ABCA7: variants seen among roughly 807,000 people sequenced by gnomAD.
ABCA7 encodes the protein phospholipid-transporting ATPase ABCA7.
A neutral mutation model predicts 227.6 loss-of-function variants in ABCA7; 261 were observed. The ratio of observed to expected loss-of-function variants is 1.15; its 90% confidence interval spans 1.04 to 1.27. The LOEUF is 1.27. Ranked by LOEUF, ABCA7 falls within the 50% of genes most tolerant of loss-of-function variation. The probability of loss-of-function intolerance (pLI) is 0.00; values close to 1 mark genes in which losing one functional copy is unlikely to be tolerated. For synonymous variants in ABCA7, 1,488 were observed against 1,279.7 expected, an observed-to-expected ratio of 1.16 and a Z score of -3.47; for missense variants, 3,331 against 2,924.5, an observed-to-expected ratio of 1.14 and a Z score of -3.21.
chr19:1,055,028 GCTGGGTGCC>G (rs1651690129), intron 29 of ABCA7, 60 bp from the exon 30 acceptor site: 2 of 1,539,962 alleles, frequency 1.3e-6, no homozygotes, highest in Non-Finnish European at 1.8e-6. Flanking sequence ...ACCCCCAGAA[GCTGGGTGCC>G]CACAGACCTT....
At position 1,056,181 on chromosome 19, in the gene ABCA7, G is replaced by C. The variant is rs149293300; in HGVS notation, c.4354G>C (p.Asp1452His). 1.9e-6 allele frequency: 3 copies of C among 1,607,230 alleles called. No individual in the cohort carries two copies. Among genetic ancestry groups the C allele is most frequent in the Non-Finnish European group, 2.5e-6 (3 of 1,178,600 alleles). ...GAGTCCCCTGCCTGGCGGGGCCCTC[G>C]ACCGTGTCCTGAAAAACCTCACAGC... is the stretch of plus-strand genomic sequence containing the variant. ...LLSPLPGGAL[D>H]RVLKNLTAWA... The change falls in exon 32 of 47, where the codon GAC (aspartate) becomes CAC (histidine). Residue 1452 changes from aspartate (D) to histidine (H), a missense_variant. Transcript: ENST00000263094. This position sits in a 1 kb window ranked among gnomAD's most constrained non-coding sequence, Gnocchi z 4.3.
Position 1,051,988 on chromosome 19 carries a change from G to T in ABCA7, c.3009G>T (p.Leu1003=), listed in dbSNP as rs769933449. ...CCCACCACCTGGATGAGGCAGAGCT[G>T]CTGGGAGACCGTGTGGCCGTGGTGG... ...LSTHHLDEAE[L]LGDRVAVVAG... The change falls in exon 22 of 47, where the codon CTG becomes CTT. Residue 1003 remains leucine, a synonymous_variant. Transcript: ENST00000263094. 1.9e-6 allele frequency: 3 copies of T among 1,612,224 alleles called. No individual in the cohort carries two copies. The highest frequency in any genetic ancestry group is 4.5e-5 in the East Asian group (2 of 44,870).
In ABCA7 at chr19:1,046,979, C is replaced by G; in HGVS notation, c.1800C>G (p.Leu600=). 1 of 1,582,998 alleles carries G rather than the reference C, an allele frequency of 6.3e-7. No homozygotes were observed. Among genetic ancestry groups the G allele is most frequent in the Non-Finnish European group, 8.6e-7 (1 of 1,168,174 alleles). Residue 600 remains leucine, a synonymous_variant, in exon 14 of 47, where the codon CTC becomes CTG. Transcript: ENST00000263094. ...GGCTAGGCTGGTTCCTCAGCTGCCTCGGGCCCTTCCTGCTCAGCGCCGCAC... is the reference window on the plus strand; with the variant it reads ...GGCTAGGCTGGTTCCTCAGCTGCCTGGGGCCCTTCCTGCTCAGCGCCGCAC... ...VLWLGWFLSC[L]GPFLLSAALL... is the part of the protein sequence containing the mutation.
chr19:1,056,141 G>A lies in ABCA7; in HGVS notation c.4314G>A (p.Glu1438=). 6.2e-7 allele frequency: 1 copy of A among 1,609,882 alleles called. No individual in the cohort carries two copies. The highest frequency in any genetic ancestry group is 8.5e-7 in the Non-Finnish European group (1 of 1,179,588). ...AAGAGTTGGGCCGCTCAGTGGAGGA[G>A]TTGTGGGCGCTGCTGAGTCCCCTGC... is the stretch of plus-strand genomic sequence containing the variant. ...SGQELGRSVE[E]LWALLSPLPG... Residue 1438 remains glutamate (E), a synonymous_variant, in exon 32 of 47, where the codon GAG becomes GAA. Coordinates refer to ENST00000263094, the MANE Select transcript of ABCA7 (RefSeq NM_019112.4). This position sits in a 1 kb window ranked among gnomAD's most constrained non-coding sequence, Gnocchi z 4.3.
chr19:1,045,888 G>T (rs1339000547), intron 12 of ABCA7, among the ~76,000 whole-genome samples: 7 of 152,146 alleles, frequency 4.6e-5, no homozygotes, highest in African/African-American at 1.2e-4. Flanking sequence ...GCGCCTGTAG[G>T]CCCAGCTACC....
In ABCA7 at chr19:1,048,922, A is replaced by G. The variant is rs139456178; in HGVS notation, c.2297A>G (p.Asn766Ser). The G allele has an allele frequency of 1.1e-5, 18 of 1,608,868 alleles. 1 individual carries two copies. In the African/African-American group the frequency reaches 1.3e-4, roughly 12 times the overall value. ...PGQYGIPEPW[N>S]FPFRRSYWCG... ...CAGTACGGGATCCCTGAACCATGGA[A>G]TTTTCCTTTTCGGAGGAGCTACTGG... Residue 766 changes from asparagine (N) to serine (S), a missense_variant, in exon 17 of 47, where the codon AAT becomes AGT. Physicochemically the swap from Asn to Ser is conservative, Grantham distance 46. Transcript: ENST00000263094.
rs978850571 is a variant in ABCA7 at position 1,061,390 on chromosome 19, C to CAAAAAAAAAAAA, written c.5464-381_5464-370dup. Among the ~76,000 whole-genome samples the CAAAAAAAAAAAA allele has an allele frequency of 3.3e-3, 122 of 36,894 alleles. 12 individuals are homozygous for CAAAAAAAAAAAA. Among genetic ancestry groups the CAAAAAAAAAAAA allele is most frequent in the African/African-American group, 0.017 (118 of 7,058 alleles). The allele number at this position is 36,894 out of a possible 152,430, so 24.2% of individuals were successfully genotyped here. ...GGGGTGACACAGCAAGGCTCCGTCT[C>CAAAAAAAAAAAA]AAAAAAAAAAAAAAAAAAAAAAGAG... On this transcript the variant is annotated intron_variant, in intron 40 of 46. Coordinates refer to ENST00000263094, the MANE Select transcript of ABCA7 (RefSeq NM_019112.4).
intron 12 of ABCA7, 56 bp downstream of exon 12, chr19:1,045,287 T>G: frequency 2.1e-6 from 3 of 1,456,644 alleles, no homozygotes; most frequent in East Asian, 2.4e-5. Context: ...AAGAGCGTGG[T>G]GGGTGGGGCC....
In ABCA7 at chr19:1,054,308, T is replaced by C; in HGVS notation, c.3693T>C (p.Leu1231=). The C allele has an allele frequency of 6.2e-7, 1 of 1,603,298 alleles. No individual in the cohort carries two copies. Among genetic ancestry groups the C allele is most frequent in the Non-Finnish European group, 8.5e-7 (1 of 1,178,914 alleles). Residue 1231 remains leucine (L), a synonymous_variant, in exon 27 of 47, where the codon CTT becomes CTC. Coordinates refer to ENST00000263094, the MANE Select transcript of ABCA7 (RefSeq NM_019112.4). The surrounding 1 kb of genome is among the most constrained non-coding windows in gnomAD (Gnocchi z 4.8). The part of the protein sequence containing the change: ...LQALLLKRFL[L]ARRSRRGLFA... ...CCCTGCTTCTCAAGCGCTTTCTGCT[T>C]GCCCGCCGCAGCCGCCGCGGCCTGT...
rs1297568524 is a variant in ABCA7, at chr19:1,046,924, G to C, written c.1745G>C (p.Arg582Pro). The change falls in exon 14 of 47, where the codon CGC becomes CCC. Residue 582 changes from arginine to proline, a missense_variant. Transcript: ENST00000263094. ...GAGACGCGGCTGCGGGACACCATGC[G>C]CGCCATGGGGCTCAGCCGCGCGGTG... ...EKETRLRDTM[R>P]AMGLSRAVLW... 6.4e-7 allele frequency: 1 copy of C among 1,558,174 alleles called. No individual in the cohort carries two copies. Among genetic ancestry groups the C allele is most frequent in the Non-Finnish European group, 8.6e-7 (1 of 1,160,734 alleles).
rs777413496 is a variant in ABCA7, at chr19:1,047,285, C to G, written c.1974C>G (p.Ala658=). 6.2e-7 allele frequency: 1 copy of G among 1,605,304 alleles called. No homozygotes were observed. The stretch of plus-strand genomic sequence containing the variant: ...TCTCCCGCGCCAACCTGGCTGCGGC[C>G]TGCGGCGGCCTGGCCTACTTCTCCC... ...AFFSRANLAA[A]CGGLAYFSLY... is the part of the protein sequence containing the mutation. Residue 658 remains alanine (A), a synonymous_variant, in exon 15 of 47, where the codon GCC becomes GCG. Coordinates refer to ENST00000263094, the MANE Select transcript of ABCA7 (RefSeq NM_019112.4).
At chr19:1,042,962 G>C (rs992442052) in intron 7 of ABCA7, 79 bp from the exon 8 acceptor site, 2 of 1,519,970 alleles carry the variant, frequency 1.3e-6, no homozygotes, top group Admixed American at 2.1e-5. Flanking sequence ...GGGAGAGGCT[G>C]CCCCTGGCCC....
In ABCA7 at chr19:1,063,783, C is replaced by A; in HGVS notation, c.5871C>A (p.Asp1957Glu). 6.5e-7 allele frequency: 1 copy of A among 1,547,190 alleles called. No individual in the cohort carries two copies. The highest frequency in any genetic ancestry group is 1.7e-4 in the Middle Eastern group (1 of 5,974). The change falls in exon 44 of 47, where the codon GAC becomes GAA. Residue 1957 changes from aspartate to glutamate, a missense_variant. By Grantham distance (45) the Asp-to-Glu change is conservative. Transcript: ENST00000263094. Reference protein sequence around the residue: ...VFLDEPTTGMDPSARRFLWNS... With the variant: ...VFLDEPTTGMEPSARRFLWNS... ...AGGACGAGCCGACCACAGGCATGGA[C>A]CCCAGCGCGCGGCGCTTCCTTTGGA... is the stretch of plus-strand genomic sequence containing the variant.
rs1485545445 is a variant in ABCA7 at position 1,062,154 on chromosome 19, C to T, written c.5571-18C>T. The T allele has an allele frequency of 2.5e-6, 4 of 1,609,806 alleles. No individual in the cohort carries two copies. The highest frequency in any genetic ancestry group is 3.3e-5 in the Admixed American group (2 of 59,874). On this transcript the variant is annotated intron_variant, in intron 41 of 46. Coordinates refer to ENST00000263094, the MANE Select transcript of ABCA7 (RefSeq NM_019112.4). ...GGGACTAGCCAGCTCTCTGAGCCCC[C>T]GGCGCCCCCATCCCCAGCGTGGCCC...
At chr19:1,062,876 C>A (rs1023650501) in intron 42 of ABCA7, among the ~76,000 whole-genome samples, 4 of 151,098 alleles carry the variant, frequency 2.6e-5, no homozygotes, top group African/African-American at 9.8e-5. Context: ...CAAGGCCCCA[C>A]CCCATACTCA....
intron 30 of ABCA7, 27 bp from the exon 31 acceptor site, chr19:1,055,880 C>T: frequency 6.4e-7 from 1 of 1,566,002 alleles, no homozygotes; most frequent in Non-Finnish European, 8.7e-7. Context: ...CCCTGTCTGC[C>T]TGTGTCTCTG....
In ABCA7 at chr19:1,051,500, A is replaced by G. The variant is rs371611880; in HGVS notation, c.2876A>G (p.Gln959Arg). The change falls in exon 21 of 47, where the codon CAA becomes CGA. Residue 959 changes from glutamine to arginine, a missense_variant. Physicochemically the swap from Gln to Arg is conservative, Grantham distance 43. Coordinates refer to ENST00000263094, the MANE Select transcript of ABCA7 (RefSeq NM_019112.4). ...GCCATTGCCTTTGTGGGCGGCTCCCAAGTTGTTATCCTGGACGAGCCTACG... is the reference window on the plus strand; with the variant it reads ...GCCATTGCCTTTGTGGGCGGCTCCCGAGTTGTTATCCTGGACGAGCCTACG... ...SVAIAFVGGS[Q>R]VVILDEPTAG... 6.2e-7 allele frequency: 1 copy of G among 1,612,376 alleles called. No individual in the cohort carries two copies. The highest frequency in any genetic ancestry group is 8.5e-7 in the Non-Finnish European group (1 of 1,179,836).
chr19:1,054,633 G>A lies in ABCA7; in HGVS notation c.3790G>A (p.Gly1264Arg), dbSNP rs771155690. Residue 1264 changes from glycine (G) to arginine (R), a missense_variant, in exon 28 of 47, where the codon GGG becomes AGG. Gly to Arg is a moderately radical substitution (Grantham distance 125, BLOSUM62 -2). Transcript: ENST00000263094. This position sits in a 1 kb window ranked among gnomAD's most constrained non-coding sequence, Gnocchi z 4.8. ...LVFSLIVPPF[G>R]HYPALRLSPT... The stretch of plus-strand genomic sequence containing the variant: ...GTTCAGCCTCATCGTGCCTCCTTTC[G>A]GGCACTACCCGGCTCTGCGGCTCAG... 1.4e-5 allele frequency: 22 copies of A among 1,613,186 alleles called. No individual in the cohort carries two copies. The highest frequency in any genetic ancestry group is 2.7e-5 in the African/African-American group (2 of 74,868).
At chr19:1,050,818 T>TAATAATAAA (rs1052458426) in intron 18 of ABCA7, 103 bp from the exon 19 acceptor site, 92 of 666,170 alleles carry the variant, frequency 1.4e-4, no homozygotes, top group South Asian at 7.0e-4. Flanking sequence ...ATAATAATAA[T>TAATAATAAA]AAATAATTAA....
Sources: allele counts gnomAD v4.1 joint callset (sites outside exome capture counted in the v4.1 genomes callset), GRCh38; gene constraint gnomAD v4.1.1; non-coding constraint Gnocchi (gnomAD v3.1); transcripts MANE v1.5; gene names NCBI Gene and HGNC (gene_info 2026-07-23, HGNC 2026-07-21).